PRRC1: variants seen among roughly 807,000 people sequenced by gnomAD.
PRRC1 encodes the protein proline rich coiled-coil 1.
A neutral mutation model predicts 40.7 loss-of-function variants in PRRC1; 39 were observed. The ratio of observed to expected loss-of-function variants is 0.96; its 90% CI spans 0.74 to 1.25. PRRC1 has a LOEUF of 1.25. Ranked by LOEUF, PRRC1 falls within the 50% of genes most tolerant of loss-of-function variation. PRRC1 has a pLI of 0.00. For synonymous variants in PRRC1, 175 were observed against 193.3 expected (o/e 0.91, Z 0.79); for missense variants, 573 against 548.3 (o/e 1.05, Z -0.45).
At chr5:127,521,910 C>T (rs1279260180) in intron 1 of PRRC1, among the ~76,000 whole-genome samples, 2 of 152,200 alleles carry the variant, frequency 1.3e-5, no homozygotes, top group African/African-American at 4.8e-5. Flanking sequence ...GGAACCCTTT[C>T]CTTACCTCCA....
intron 4 of PRRC1, among the ~76,000 whole-genome samples, chr5:127,527,940 C>T (rs1006986649): frequency 6.6e-6 from 1 of 152,150 alleles, no homozygotes; most frequent in African/African-American, 2.4e-5. Flanking sequence ...ACATTTTTCA[C>T]TTGCCAGCAG....
At chr5:127,522,812 G>A (rs779610216) in intron 1 of PRRC1, among the ~76,000 whole-genome samples, 6 of 151,356 alleles carry the variant, frequency 4.0e-5, no homozygotes, top group East Asian at 1.9e-4. Flanking sequence ...GCTCTGTCAC[G>A]CAGGCTGGAG....
chr5:127,547,501 A>G (rs1379220977), intron 7 of PRRC1, among the ~76,000 whole-genome samples: 3 of 152,082 alleles, frequency 2.0e-5, no homozygotes, highest in African/African-American at 2.4e-5. Flanking sequence ...TGCATATTCA[A>G]TGTATGTAAA....
chr5:127,543,607 C>A (rs1561686882), intron 7 of PRRC1, among the ~76,000 whole-genome samples: 1 of 152,144 alleles, frequency 6.6e-6, no homozygotes, highest in East Asian at 1.9e-4. Context: ...TCCCTTCTCG[C>A]TTCATTTCAT....
chr5:127,545,001 C>G (rs1768173662), intron 7 of PRRC1, among the ~76,000 whole-genome samples: 1 of 152,244 alleles, frequency 6.6e-6, no homozygotes, highest in Non-Finnish European at 1.5e-5. Context: ...TAGACAGGAG[C>G]TGTTCCTATT....
In PRRC1 at chr5:127,538,348, C is replaced by T. The variant is rs569357314; in HGVS notation, c.922-692C>T. Among the ~76,000 whole-genome samples the T allele has an allele frequency of 3.3e-5, 5 of 152,122 alleles. No individual in the cohort carries two copies. The East Asian group carries it at 9.7e-4, about 29-fold the overall frequency. On this transcript the variant is annotated intron_variant, in intron 6 of 8. Coordinates refer to ENST00000296666, the MANE Select transcript of PRRC1 (RefSeq NM_130809.5). ...ACTTCTGTTCAGACTTCTTATCTTGCGTTTTGAACACATATTCATCACATT... is the reference window on the plus strand; with the variant it reads ...ACTTCTGTTCAGACTTCTTATCTTGTGTTTTGAACACATATTCATCACATT...
At chr5:127,530,253 CACTT>C (rs1403049297) in intron 4 of PRRC1, 37 bp from the exon 5 acceptor site, 2 of 1,551,740 alleles carry the variant, frequency 1.3e-6, no homozygotes, top group South Asian at 1.1e-5. Flanking sequence ...TGGTGTTCCT[CACTT>C]AGAGTGAATA....
In PRRC1 at chr5:127,524,656, C is replaced by T. The variant is rs758558607; in HGVS notation, c.229C>T (p.Pro77Ser). 6.2e-7 allele frequency: 1 copy of T among 1,614,184 alleles called. No homozygotes were observed. Among genetic ancestry groups the T allele is most frequent in the East Asian group, 2.2e-5 (1 of 44,890 alleles). ...TTCAGCACCATTACCTTTTGTGCCT[C>T]CTCCTGCAGTTCCTTCTGTCCCACC... ...RPSAPLPFVPPPAVPSVPPLV... is the reference protein window; with the variant it reads ...RPSAPLPFVPSPAVPSVPPLV... Residue 77 changes from proline to serine, a missense_variant, in exon 3 of 9, where the codon CCT becomes TCT. Pro to Ser is a moderately conservative substitution (Grantham distance 74). Transcript: ENST00000296666.
At chr5:127,521,878 G>T (rs10063666) in intron 1 of PRRC1, among the ~76,000 whole-genome samples, 3 of 151,802 alleles carry the variant, frequency 2.0e-5, no homozygotes, top group Admixed American at 1.3e-4. Flanking sequence ...TTCAAATCTC[G>T]GTTTATCTGT....
intron 7 of PRRC1, among the ~76,000 whole-genome samples, chr5:127,545,329 C>T (rs1192479986): frequency 1.3e-5 from 2 of 152,028 alleles, no homozygotes; most frequent in Non-Finnish European, 2.9e-5. Flanking sequence ...TATAAAGACA[C>T]ATGCACACAT....
intron 5 of PRRC1, among the ~76,000 whole-genome samples, chr5:127,532,387 G>A (rs1464433866): frequency 2.0e-5 from 3 of 152,116 alleles, no homozygotes; most frequent in Admixed American, 1.3e-4. Context: ...GATTACAGGC[G>A]TGAACCACCG....
intron 8 of PRRC1, 76 bp downstream of exon 8, chr5:127,547,997 G>T: frequency 1.0e-6 from 1 of 984,372 alleles, no homozygotes; most frequent in African/African-American, 1.6e-5. Context: ...AAATTTGTTC[G>T]GTTTTTTTGT....
At chr5:127,541,550 G>C (rs1314308488) in intron 7 of PRRC1, among the ~76,000 whole-genome samples, 1 of 151,966 alleles carries the variant, frequency 6.6e-6, no homozygotes, top group Non-Finnish European at 1.5e-5. Flanking sequence ...CACAATTTGA[G>C]ATCCTGTTAT....
At chr5:127,536,442 T>C (rs1767904560) in intron 6 of PRRC1, among the ~76,000 whole-genome samples, 1 of 152,056 alleles carries the variant, frequency 6.6e-6, no homozygotes, top group African/African-American at 2.4e-5. Context: ...CATACTTAGA[T>C]TGAGAATGTA....
At chr5:127,535,577 A>G (rs1767878333) in intron 6 of PRRC1, among the ~76,000 whole-genome samples, 1 of 152,156 alleles carries the variant, frequency 6.6e-6, no homozygotes, top group Admixed American at 6.6e-5. Context: ...ATGTGTAGTC[A>G]ATGGAATCCA....
intron 6 of PRRC1, among the ~76,000 whole-genome samples, chr5:127,536,164 C>T (rs1767895337): frequency 6.6e-6 from 1 of 152,008 alleles, no homozygotes; most frequent in Non-Finnish European, 1.5e-5. Flanking sequence ...CTTCTTTTCT[C>T]TAGTAGGTTT....
intron 5 of PRRC1, among the ~76,000 whole-genome samples, chr5:127,530,747 T>TG (rs1767746645): frequency 1.5e-5 from 1 of 66,082 alleles, no homozygotes; most frequent in Non-Finnish European, 3.2e-5. Context: ...TGTTTCATAC[T>TG]TTTTTTTTTT....
At position 127,526,731 on chromosome 5, in the gene PRRC1, A is replaced by G. The variant is rs145389266; in HGVS notation, c.607A>G (p.Arg203Gly). Residue 203 changes from arginine (R) to glycine (G), a missense_variant, in exon 4 of 9, where the codon AGA becomes GGA. Arg to Gly is a moderately radical substitution (Grantham distance 125). Coordinates refer to ENST00000296666, the MANE Select transcript of PRRC1 (RefSeq NM_130809.5). ...PEEQEDPRITRGQDEASAGGI... is the reference protein window; with the variant it reads ...PEEQEDPRITGGQDEASAGGI... The stretch of plus-strand genomic sequence containing the variant: ...GGAGCAAGAAGACCCTAGAATTACT[A>G]GAGGTCAGGATGAAGCATCTGCTGG... The G allele has an allele frequency of 7.4e-6, 12 of 1,613,016 alleles. No individual in the cohort carries two copies. In the African/African-American group the frequency reaches 1.6e-4, roughly 21 times the overall value.
chr5:127,547,562 A>T (rs112458027), intron 7 of PRRC1, among the ~76,000 whole-genome samples: 1,608 of 152,164 alleles, frequency 0.011, 25 homozygotes, highest in African/African-American at 0.036. Flanking sequence ...CTCCCTTCCC[A>T]TGGAGAGGAA....
Sources: allele counts gnomAD v4.1 joint callset (sites outside exome capture counted in the v4.1 genomes callset), GRCh38; gene constraint gnomAD v4.1.1; transcripts MANE v1.5; gene names NCBI Gene and HGNC (gene_info 2026-07-23, HGNC 2026-07-21).